The following CPXM2 variants were observed in gnomAD, a reference collection of about 807,000 sequenced individuals.
CPXM2 encodes inactive carboxypeptidase-like protein X2.
In CPXM2, 66 loss-of-function variants were observed where a neutral mutation model predicts 86.1. That is an observed-to-expected ratio of 0.77 (90% CI 0.63 to 0.94). The LOEUF (loss-of-function observed/expected upper bound fraction) is 0.94, where lower values mean the gene tolerates loss of function less well. Among genes scored for constraint, CPXM2 ranks in the 40% least tolerant of loss-of-function variants. The probability of loss-of-function intolerance (pLI) is 0.00; values close to 1 mark genes in which losing one functional copy is unlikely to be tolerated. For synonymous variants in CPXM2, 388 were observed against 400.2 expected, an observed-to-expected ratio of 0.97 and a Z score of 0.36; for missense variants, 948 against 1,026.3, an observed-to-expected ratio of 0.92 and a Z score of 1.04.
At position 123,830,872 on chromosome 10, in the gene CPXM2, C is replaced by CTG. The variant is rs34599295; in HGVS notation, c.653+11475_653+11476dup. Among the ~76,000 whole-genome samples, 836 of 142,778 alleles carry CTG rather than the reference C, an allele frequency of 5.9e-3. 8 individuals carry two copies. The highest frequency in any genetic ancestry group is 0.012 in the South Asian group (54 of 4,376). The allele number at this position is 142,778 out of a possible 152,430, so 93.7% of individuals were successfully genotyped here. ...CACTCATCTCTCTCTCTCTCTCTCT[C>CTG]TGTGTGTGTGTGTGTGTGTGTGTGT... On this transcript the variant is annotated intron_variant, in intron 4 of 13. Transcript: ENST00000241305.
chr10:123,763,003 G>A (rs978475065), intron 10 of CPXM2, among the ~76,000 whole-genome samples: 4 of 152,166 alleles, frequency 2.6e-5, no homozygotes, highest in African/African-American at 9.7e-5. Context: ...TTAATTCATT[G>A]CACAGCATCA....
intron 3 of CPXM2, among the ~76,000 whole-genome samples, chr10:123,854,577 C>G (rs947758399): frequency 6.6e-6 from 1 of 150,502 alleles, no homozygotes; most frequent in Admixed American, 6.7e-5. Flanking sequence ...CTCAGTTTTC[C>G]GGCTGTAGAT....
At chr10:123,795,299 T>C (rs563004225) in intron 6 of CPXM2, among the ~76,000 whole-genome samples, 8 of 152,298 alleles carry the variant, frequency 5.3e-5, no homozygotes, top group East Asian at 1.9e-4. Context: ...CCATGGTATA[T>C]GGTAATTCAC....
intron 4 of CPXM2, among the ~76,000 whole-genome samples, chr10:123,802,407 A>G (rs1847479061): frequency 1.3e-5 from 2 of 152,182 alleles, no homozygotes; most frequent in South Asian, 4.1e-4. Flanking sequence ...TCCTAGGTTT[A>G]TAAAGGCTTT....
At chr10:123,909,139 C>T (rs914010435) in intron 2 of CPXM2, among the ~76,000 whole-genome samples, 3 of 152,136 alleles carry the variant, frequency 2.0e-5, no homozygotes, top group Admixed American at 6.5e-5. Context: ...TCAGGCATAG[C>T]GGATCCCACA....
intron 3 of CPXM2, among the ~76,000 whole-genome samples, chr10:123,844,206 A>C (rs61861860): frequency 0.023 from 3,464 of 152,262 alleles, 71 homozygotes; most frequent in South Asian, 0.089. Flanking sequence ...TATTCAGATG[A>C]TGCCTCCGAG....
chr10:123,911,333 G>C (rs975474158), intron 2 of CPXM2, among the ~76,000 whole-genome samples: 2 of 152,044 alleles, frequency 1.3e-5, no homozygotes, highest in Non-Finnish European at 2.9e-5. Flanking sequence ...TGGTCCAGGG[G>C]ACAGGTCCCC....
intron 2 of CPXM2, among the ~76,000 whole-genome samples, chr10:123,866,139 T>C (rs191203938): frequency 4.6e-5 from 7 of 152,258 alleles, no homozygotes; most frequent in African/African-American, 1.7e-4. Flanking sequence ...CACGGGCTCA[T>C]CACCCTCAGA....
chr10:123,942,133 G>A (rs528361443), upstream of CPXM2, among the ~76,000 whole-genome samples: 2 of 152,320 alleles, frequency 1.3e-5, no homozygotes, highest in Non-Finnish European at 2.9e-5. Context: ...AAGTGCAGAT[G>A]GATTTTGTCT....
At chr10:123,917,635 A>G (rs1945544365) in intron 2 of CPXM2, among the ~76,000 whole-genome samples, 1 of 152,224 alleles carries the variant, frequency 6.6e-6, no homozygotes, top group Admixed American at 6.5e-5. Context: ...GAGAAGTATT[A>G]CTAGCCCCAT....
intron 2 of CPXM2, among the ~76,000 whole-genome samples, chr10:123,866,439 G>A (rs112630707): frequency 0.021 from 3,178 of 152,032 alleles, 110 homozygotes; most frequent in African/African-American, 0.069. Flanking sequence ...GGTGGTACAC[G>A]CTGTAATCCC....
intron 6 of CPXM2, among the ~76,000 whole-genome samples, chr10:123,797,305 G>T (rs901140261): frequency 3.3e-5 from 5 of 152,252 alleles, no homozygotes; most frequent in Admixed American, 2.6e-4. Context: ...CAGTGTAATG[G>T]TATCTGCCAA....
intron 2 of CPXM2, among the ~76,000 whole-genome samples, chr10:123,926,138 C>T (rs1296805497): frequency 1.3e-5 from 2 of 152,242 alleles, no homozygotes; most frequent in Non-Finnish European, 2.9e-5. Flanking sequence ...GCATCTGTGC[C>T]ATGTCTGTAA....
In CPXM2 at chr10:123,746,473, C is replaced by G. The variant is rs1845973103; in HGVS notation, c.*291G>C. 1 of 455,736 alleles carries G rather than the reference C, an allele frequency of 2.2e-6. No individual in the cohort carries two copies. The highest frequency in any genetic ancestry group is 3.9e-5 in the East Asian group (1 of 25,808). The allele number at this position is 455,736 out of a possible 1,614,324, so 28.2% of individuals were successfully genotyped here. ...GCCAGAGGCTCTGAACGGACAGGCTCCCCTCCTTCTCCTTCTCTCTCTGAT... is the reference window on the plus strand; with the variant it reads ...GCCAGAGGCTCTGAACGGACAGGCTGCCCTCCTTCTCCTTCTCTCTCTGAT... On this transcript the variant is annotated 3_prime_UTR_variant, in exon 14 of 14. Transcript: ENST00000241305.
At chr10:123,800,793 A>T (rs1049749106) in intron 4 of CPXM2, among the ~76,000 whole-genome samples, 1 of 152,202 alleles carries the variant, frequency 6.6e-6, no homozygotes, top group Non-Finnish European at 1.5e-5. Flanking sequence ...TCAAAAAAAA[A>T]ATAAGAATAC....
At chr10:123,853,928 G>GAAAT (rs1424237485) in intron 3 of CPXM2, among the ~76,000 whole-genome samples, 2 of 151,850 alleles carry the variant, frequency 1.3e-5, no homozygotes, top group Non-Finnish European at 2.9e-5. Flanking sequence ...AAGAAAGAAA[G>GAAAT]AATCTGCTGT....
chr10:123,796,487 A>G (rs1198221604), intron 6 of CPXM2, among the ~76,000 whole-genome samples: 2 of 152,210 alleles, frequency 1.3e-5, no homozygotes, highest in African/African-American at 4.8e-5. Context: ...AAGTACACAT[A>G]AATATAAAAC....
At chr10:123,773,502 TGAG>T (rs1846706206) in intron 7 of CPXM2, among the ~76,000 whole-genome samples, 1 of 152,250 alleles carries the variant, frequency 6.6e-6, no homozygotes, top group Non-Finnish European at 1.5e-5. Flanking sequence ...TGCAGATCAT[TGAG>T]GAGACAGACT....
chr10:123,926,234 G>C (rs1945620911), intron 2 of CPXM2, among the ~76,000 whole-genome samples: 2 of 152,200 alleles, frequency 1.3e-5, no homozygotes, highest in Admixed American at 1.3e-4. Context: ...TCCGATACCG[G>C]GTCTTACCAT....
Sources: allele counts gnomAD v4.1 joint callset (sites outside exome capture counted in the v4.1 genomes callset), GRCh38; gene constraint gnomAD v4.1.1; transcripts MANE v1.5; gene names NCBI Gene and HGNC (gene_info 2026-07-23, HGNC 2026-07-21).